Variants in NTRK3 observed in about 807,000 individuals in gnomAD.
The protein encoded by NTRK3 is neurotrophic receptor tyrosine kinase 3, also known as NT-3 growth factor receptor.
In NTRK3, 24 loss-of-function variants were observed where a neutral mutation model predicts 91.7. The ratio of observed to expected loss-of-function variants is 0.26; its 90% CI spans 0.19 to 0.37. NTRK3 has a LOEUF of 0.37. NTRK3 is among the 10% of genes least tolerant of loss of function. The probability of loss-of-function intolerance (pLI) is 1.00; values close to 1 mark genes in which losing one functional copy is unlikely to be tolerated. For synonymous variants in NTRK3, 483 were observed against 404.0 expected, an observed-to-expected ratio of 1.20 and a Z score of -2.34; for missense variants, 880 against 1,068.9, an observed-to-expected ratio of 0.82 and a Z score of 2.46.
At chr15:88,092,040 A>C (rs1482902746) in intron 13 of NTRK3, among the ~76,000 whole-genome samples, 1 of 152,198 alleles carries the variant, frequency 6.6e-6, no homozygotes, top group East Asian at 1.9e-4. Flanking sequence ...ACATCACAAC[A>C]AGGCAAATGA....
In NTRK3 at chr15:87,891,082, T is replaced by G. The variant is rs1384064402; in HGVS notation, c.2134-10654A>C. On this transcript the variant is annotated intron_variant, in intron 17 of 18. Coordinates refer to ENST00000394480, the Ensembl canonical transcript of NTRK3. Reference sequence around the variant, plus strand: ...TCCTATTAACACTCATAATATTATCTGCTTTATCCTAATTTGTTTAAATAA... The same window carrying G: ...TCCTATTAACACTCATAATATTATCGGCTTTATCCTAATTTGTTTAAATAA... Among the ~76,000 whole-genome samples, 3 of 152,206 alleles carry G rather than the reference T, an allele frequency of 2.0e-5. No homozygotes were observed. The East Asian group carries it at 5.8e-4, about 29-fold the overall frequency.
intron 3 of NTRK3, among the ~76,000 whole-genome samples, chr15:88,224,256 A>G (rs2050486002): frequency 6.6e-6 from 1 of 152,220 alleles, no homozygotes; most frequent in South Asian, 2.1e-4. Flanking sequence ...ACCAGGCACC[A>G]GAACTCAGAA....
intron 13 of NTRK3, among the ~76,000 whole-genome samples, chr15:88,075,600 TTTGTTG>T (rs367598541): frequency 2.6e-4 from 39 of 151,994 alleles, no homozygotes; most frequent in African/African-American, 5.8e-4. Flanking sequence ...TTTCTTTATG[TTTGTTG>T]TTGTTGTTGT....
chr15:88,006,387 T>C (rs1025300140), intron 14 of NTRK3, among the ~76,000 whole-genome samples: 6 of 152,212 alleles, frequency 3.9e-5, no homozygotes, highest in Admixed American at 6.5e-5. Context: ...TGGAGGCAGC[T>C]TTTCTCCTGA....
chr15:88,142,996 C>T (rs1275019999), intron 6 of NTRK3, among the ~76,000 whole-genome samples: 1 of 151,946 alleles, frequency 6.6e-6, no homozygotes, highest in Non-Finnish European at 1.5e-5. Flanking sequence ...GGGCAGATCA[C>T]TTGAGGCCAG....
At chr15:88,212,268 G>A (rs1227374521) in intron 3 of NTRK3, among the ~76,000 whole-genome samples, 3 of 152,180 alleles carry the variant, frequency 2.0e-5, no homozygotes, top group African/African-American at 7.2e-5. Flanking sequence ...TACTTGGGAG[G>A]CTGAGGCAGG....
At chr15:88,171,432 T>C (rs939041081) in intron 5 of NTRK3, among the ~76,000 whole-genome samples, 2 of 152,042 alleles carry the variant, frequency 1.3e-5, no homozygotes, top group African/African-American at 4.8e-5. Context: ...TAACTCCCTT[T>C]CCCCTTTAGC....
chr15:87,922,298 G>T (rs2067941044), intron 17 of NTRK3, among the ~76,000 whole-genome samples: 1 of 152,164 alleles, frequency 6.6e-6, no homozygotes, highest in Admixed American at 6.5e-5. Context: ...CTCAGCTCTG[G>T]TGACTGAGTA....
chr15:88,055,207 C>T (rs1236682738), intron 13 of NTRK3, among the ~76,000 whole-genome samples: 1 of 152,154 alleles, frequency 6.6e-6, no homozygotes, highest in Non-Finnish European at 1.5e-5. Flanking sequence ...CCAACAGTCT[C>T]TCTTCACCCT....
chr15:87,860,765 A>G (rs986860636), exon 19 of NTRK3: 1 of 211,276 alleles, frequency 4.7e-6, no homozygotes. Flanking sequence ...GATAGGAAGC[A>G]ATCATGATCA....
chr15:88,179,082 G>C (rs2046244258), intron 5 of NTRK3, among the ~76,000 whole-genome samples: 1 of 152,184 alleles, frequency 6.6e-6, no homozygotes, highest in Non-Finnish European at 1.5e-5. Flanking sequence ...CTATGAAATG[G>C]GAAGAGAGGA....
intron 13 of NTRK3, among the ~76,000 whole-genome samples, chr15:88,079,645 A>T (rs1009094893): frequency 6.6e-6 from 1 of 152,234 alleles, no homozygotes; most frequent in Non-Finnish European, 1.5e-5. Flanking sequence ...AGCAACATGG[A>T]TTTAGTGGAC....
At chr15:88,230,517 C>T (rs1048071959) in intron 3 of NTRK3, among the ~76,000 whole-genome samples, 4 of 152,140 alleles carry the variant, frequency 2.6e-5, no homozygotes, top group Non-Finnish European at 5.9e-5. Flanking sequence ...AAAATCTGGC[C>T]AGCTTTCCTC....
At chr15:87,881,586 ATTTTTTGTAT>A (rs1043786608) in intron 17 of NTRK3, among the ~76,000 whole-genome samples, 2 of 151,690 alleles carry the variant, frequency 1.3e-5, no homozygotes, top group African/African-American at 4.8e-5. Context: ...CACCCGGCTA[ATTTTTTGTAT>A]TTTTAGTAGA....
chr15:88,236,589 G>C (rs2051775598), intron 3 of NTRK3, among the ~76,000 whole-genome samples: 1 of 145,354 alleles, frequency 6.9e-6, no homozygotes, highest in African/African-American at 2.5e-5. Context: ...GCTAAGCTAT[G>C]AAGTTGCAAA....
At chr15:87,923,993 T>C (rs543718760) in intron 17 of NTRK3, among the ~76,000 whole-genome samples, 3 of 152,262 alleles carry the variant, frequency 2.0e-5, no homozygotes, top group East Asian at 1.9e-4. Flanking sequence ...TAAATCTCTT[T>C]CTTTAATAAA....
chr15:88,036,351 A>G (rs536781898), intron 13 of NTRK3, among the ~76,000 whole-genome samples: 1 of 152,020 alleles, frequency 6.6e-6, no homozygotes, highest in African/African-American at 2.4e-5. Flanking sequence ...TAACAATACC[A>G]CTATTGTTAT....
At chr15:87,954,431 T>C (rs111287990) in intron 14 of NTRK3, among the ~76,000 whole-genome samples, 20 of 152,342 alleles carry the variant, frequency 1.3e-4, no homozygotes, top group African/African-American at 4.8e-4. Context: ...CAATTACACA[T>C]GGATATTCTC....
chr15:88,041,720 C>A (rs1396740336), intron 13 of NTRK3, among the ~76,000 whole-genome samples: 1 of 150,254 alleles, frequency 6.7e-6, no homozygotes, highest in Non-Finnish European at 1.5e-5. Context: ...GGTGGGGGTG[C>A]TGTCTATCAC....
Sources: allele counts gnomAD v4.1 joint callset (sites outside exome capture counted in the v4.1 genomes callset), GRCh38; gene constraint gnomAD v4.1.1; transcripts MANE v1.5; gene names NCBI Gene and HGNC (gene_info 2026-07-23, HGNC 2026-07-21).